Variants in WWP1 observed in about 807,000 individuals in gnomAD.
WWP1 encodes the protein NEDD4-like E3 ubiquitin-protein ligase WWP1.
In WWP1, 49 loss-of-function variants were observed where a neutral mutation model predicts 130.6. That is an observed-to-expected ratio of 0.38 (90% CI 0.30 to 0.48). The LOEUF (loss-of-function observed/expected upper bound fraction) is 0.48. Among genes scored for constraint, WWP1 ranks in the 20% least tolerant of loss-of-function variants. The pLI is 0.99. For synonymous variants in WWP1, 332 were observed against 367.8 expected, an observed-to-expected ratio of 0.90 and a Z score of 1.11; for missense variants, 809 against 1,100.6, an observed-to-expected ratio of 0.74 and a Z score of 3.75.
intron 23 of WWP1, chr8:86,461,553 G>T: frequency 1.6e-6 from 1 of 624,196 alleles, no homozygotes. Flanking sequence ...TGACTGTGAA[G>T]GGAGCGACAT....
intron 9 of WWP1, among the ~76,000 whole-genome samples, chr8:86,412,181 A>G (rs1808622789): frequency 6.6e-6 from 1 of 152,218 alleles, no homozygotes; most frequent in Non-Finnish European, 1.5e-5. Flanking sequence ...GATACTCCAT[A>G]TAATATCCTC....
intron 8 of WWP1, among the ~76,000 whole-genome samples, chr8:86,409,720 G>A (rs1808481559): frequency 6.6e-6 from 1 of 151,802 alleles, no homozygotes; most frequent in South Asian, 2.1e-4. Context: ...AACTAACCAG[G>A]CGTGGTGGCG....
chr8:86,366,335 A>T (rs1368812128), intron 1 of WWP1, among the ~76,000 whole-genome samples: 1 of 152,128 alleles, frequency 6.6e-6, no homozygotes, highest in Non-Finnish European at 1.5e-5. Flanking sequence ...TGGCATGGGG[A>T]TGATGGGTGA....
intron 20 of WWP1, among the ~76,000 whole-genome samples, chr8:86,451,778 T>G (rs141065920): frequency 9.2e-5 from 14 of 152,278 alleles, no homozygotes; most frequent in Middle Eastern, 3.4e-3. Flanking sequence ...GTATGCTGCT[T>G]CTTTAGGTAG....
intron 22 of WWP1, among the ~76,000 whole-genome samples, chr8:86,460,829 A>T (rs1275591591): frequency 5.3e-5 from 2 of 37,780 alleles, no homozygotes; most frequent in Non-Finnish European, 5.9e-5. Flanking sequence ...TTTTTTTTTG[A>T]GACAGAGTCT....
intron 1 of WWP1, among the ~76,000 whole-genome samples, chr8:86,366,419 G>A (rs1218880706): frequency 1.3e-5 from 2 of 152,160 alleles, no homozygotes; most frequent in Admixed American, 6.5e-5. Context: ...GTGATGATAT[G>A]GACAGAGAGT....
intron 1 of WWP1, among the ~76,000 whole-genome samples, chr8:86,351,491 A>G (rs1822914400): frequency 6.6e-6 from 1 of 151,656 alleles, no homozygotes; most frequent in South Asian, 2.1e-4. Context: ...GTTACGCACT[A>G]ACATGCTCAG....
At chr8:86,371,052 T>C (rs1253024744) in intron 2 of WWP1, among the ~76,000 whole-genome samples, 1 of 149,130 alleles carries the variant, frequency 6.7e-6, no homozygotes, top group Non-Finnish European at 1.5e-5. Context: ...TTTTTTTTTT[T>C]TTTTTGGTAG....
At chr8:86,445,976 C>CTTTTCTTTTTTT (rs1216312552) in intron 18 of WWP1, among the ~76,000 whole-genome samples, 8 of 84,964 alleles carry the variant, frequency 9.4e-5, no homozygotes, top group African/African-American at 3.4e-4. Context: ...CTTTTCTTTT[C>CTTTTCTTTTTTT]TTTTTTTTTT....
chr8:86,346,121 A>C (rs1014695540), intron 1 of WWP1, among the ~76,000 whole-genome samples: 2 of 152,208 alleles, frequency 1.3e-5, no homozygotes, highest in Non-Finnish European at 2.9e-5. Context: ...GACTTTCATC[A>C]GAGTATCTAC....
At chr8:86,358,065 TTTAA>T (rs1429013399) in intron 1 of WWP1, among the ~76,000 whole-genome samples, 3 of 152,242 alleles carry the variant, frequency 2.0e-5, no homozygotes, top group Non-Finnish European at 4.4e-5. Flanking sequence ...GTTTGGAATG[TTTAA>T]TTAAGGTCGG....
chr8:86,365,832 G>C (rs1823935608), intron 1 of WWP1, among the ~76,000 whole-genome samples: 1 of 152,120 alleles, frequency 6.6e-6, no homozygotes, highest in Non-Finnish European at 1.5e-5. Context: ...AAATCACATA[G>C]CTTCTTTCCC....
intron 1 of WWP1, among the ~76,000 whole-genome samples, chr8:86,358,579 C>G (rs953036708): frequency 6.6e-6 from 1 of 151,682 alleles, no homozygotes; most frequent in Non-Finnish European, 1.5e-5. Context: ...GTTCCCCAGG[C>G]TCAAGTGATT....
intron 17 of WWP1, among the ~76,000 whole-genome samples, chr8:86,441,033 C>T (rs905021227): frequency 6.6e-6 from 1 of 152,160 alleles, no homozygotes; most frequent in African/African-American, 2.4e-5. Flanking sequence ...AAAGTTAATT[C>T]TTCTGCCTCT....
chr8:86,442,598 CCTTGA>C lies in WWP1; in HGVS notation c.1839-17_1839-13del, dbSNP rs1248595448. On this transcript the variant is annotated splice_polypyrimidine_tract_variant and intron_variant, in intron 17 of 24. Coordinates refer to ENST00000517970, the MANE Select transcript of WWP1 (RefSeq NM_007013.4). ...TTCACATATTAATGCTAAAAAATAA[CCTTGA>C]CTTATTTTCTTATAGAGAATGGTTT... 6.4e-7 allele frequency: 1 copy of C among 1,568,090 alleles called. No individual in the cohort carries two copies. Among genetic ancestry groups the C allele is most frequent in the African/African-American group, 1.4e-5 (1 of 72,846 alleles).
chr8:86,355,817 A>T (rs1413256633), intron 1 of WWP1, among the ~76,000 whole-genome samples: 10 of 152,238 alleles, frequency 6.6e-5, no homozygotes, highest in African/African-American at 2.4e-4. Flanking sequence ...ATAAGAGAAT[A>T]GTAACTTCAG....
intron 18 of WWP1, among the ~76,000 whole-genome samples, chr8:86,445,375 A>G (rs72688599): frequency 0.054 from 8,264 of 151,910 alleles, 317 homozygotes; most frequent in Non-Finnish European, 0.086. Context: ...CCAGGTGTCT[A>G]TTTTTCCCAT....
At chr8:86,358,546 G>A (rs7841939) in intron 1 of WWP1, among the ~76,000 whole-genome samples, 22,421 of 150,154 alleles carry the variant, frequency 0.15, 4,590 homozygotes, top group African/African-American at 0.47. Context: ...CAGTGGTGCC[G>A]TCACAACTCA....
Position 86,467,458 on chromosome 8 carries a change from TAAATAAATAC to T in WWP1, c.*568_*577del, listed in dbSNP as rs1812239864. 6.6e-6 allele frequency: 1 copy of T among 152,582 alleles called. No homozygotes were observed. The highest frequency in any genetic ancestry group is 2.4e-5 in the African/African-American group (1 of 41,428). 9.5% of individuals were successfully genotyped at this position (152,582 alleles called of 1,614,324 possible). A position where few individuals can be genotyped will look rare whatever the true frequency, so the allele number is the denominator to read the frequency against. ...GGTGCTTGAACTTGTCAGTTTGTTT[TAAATAAATAC>T]AATAGTTGAAAATTTTTCTCTGTTA... On this transcript the variant is annotated 3_prime_UTR_variant, in exon 25 of 25. Coordinates refer to ENST00000517970, the MANE Select transcript of WWP1 (RefSeq NM_007013.4).
Sources: gnomAD v4.1 joint callset for allele counts (sites outside exome capture counted in the v4.1 genomes callset) on GRCh38, gnomAD v4.1.1 for gene constraint, MANE v1.5 for transcripts, NCBI Gene and HGNC (gene_info 2026-07-23, HGNC 2026-07-21) for gene names.